CADM1: variants seen among roughly 807,000 people sequenced by gnomAD.
CADM1 encodes cell adhesion molecule 1.
Under a neutral mutation model 53.1 loss-of-function variants are expected in CADM1, and 15 were observed. That is an observed-to-expected ratio of 0.28 (90% confidence interval 0.19 to 0.44). The LOEUF is 0.44. Ranked by LOEUF, CADM1 falls within the 20% of genes least tolerant of loss-of-function variation. The probability of loss-of-function intolerance (pLI) is 1.00; values close to 1 mark genes in which losing one functional copy is unlikely to be tolerated. For synonymous variants in CADM1, 281 were observed against 243.0 expected, an observed-to-expected ratio of 1.16 and a Z score of -1.45; for missense variants, 434 against 611.3, an observed-to-expected ratio of 0.71 and a Z score of 3.06.
chr11:115,389,943 T>C (rs886252162), intron 1 of CADM1, among the ~76,000 whole-genome samples: 12 of 152,288 alleles, frequency 7.9e-5, no homozygotes, highest in East Asian at 5.8e-4. Context: ...CAAAATCGAA[T>C]CTGAGCTACT....
chr11:115,294,807 G>A (rs1944005434), intron 1 of CADM1, among the ~76,000 whole-genome samples: 1 of 152,168 alleles, frequency 6.6e-6, no homozygotes, highest in South Asian at 2.1e-4. Flanking sequence ...GGAGGAGGTG[G>A]GTGGATCATC....
chr11:115,262,074 T>C (rs1042677905), intron 1 of CADM1, among the ~76,000 whole-genome samples: 10 of 152,046 alleles, frequency 6.6e-5, no homozygotes, highest in African/African-American at 2.4e-4. Flanking sequence ...CCACCGAAGA[T>C]ATTTTTACGA....
At chr11:115,413,214 A>C (rs1040404638) in intron 1 of CADM1, among the ~76,000 whole-genome samples, 8 of 152,228 alleles carry the variant, frequency 5.3e-5, no homozygotes, top group Non-Finnish European at 7.3e-5. Flanking sequence ...TTGCTCAAAA[A>C]TATTATTAGT....
chr11:115,357,957 T>C (rs978135138), intron 1 of CADM1, among the ~76,000 whole-genome samples: 14 of 152,204 alleles, frequency 9.2e-5, no homozygotes, highest in African/African-American at 2.7e-4. Flanking sequence ...TTGATTATAA[T>C]GTGGTAATTG....
chr11:115,473,949 T>C (rs1337138773), intron 1 of CADM1, among the ~76,000 whole-genome samples: 1 of 152,252 alleles, frequency 6.6e-6, no homozygotes, highest in African/African-American at 2.4e-5. Context: ...GAAAGGCTTA[T>C]ACCCAGTACT....
chr11:115,211,322 A>T (rs1408561849), intron 7 of CADM1, among the ~76,000 whole-genome samples: 1 of 151,946 alleles, frequency 6.6e-6, no homozygotes, highest in Admixed American at 6.6e-5. Context: ...CGCTCCCTCC[A>T]CTACACAACT....
intron 8 of CADM1, 107 bp downstream of exon 8, chr11:115,209,467 A>G (rs1382490727): frequency 6.6e-7 from 1 of 1,521,670 alleles, no homozygotes; most frequent in Admixed American, 1.8e-5. Flanking sequence ...AAATAAAGGA[A>G]CGATTAAATT....
At chr11:115,346,150 C>G (rs1945571007) in intron 1 of CADM1, among the ~76,000 whole-genome samples, 1 of 152,128 alleles carries the variant, frequency 6.6e-6, no homozygotes, top group East Asian at 1.9e-4. Context: ...TGGGGTGCAG[C>G]CACCTCTCAA....
intron 1 of CADM1, among the ~76,000 whole-genome samples, chr11:115,323,033 C>G (rs1944864247): frequency 6.6e-6 from 1 of 152,088 alleles, no homozygotes; most frequent in Admixed American, 6.6e-5. Context: ...ATTGGCTGCA[C>G]CATTTTACAT....
At chr11:115,328,251 T>C (rs1945012091) in intron 1 of CADM1, among the ~76,000 whole-genome samples, 1 of 152,098 alleles carries the variant, frequency 6.6e-6, no homozygotes, top group African/African-American at 2.4e-5. Flanking sequence ...TCTCTTCTGA[T>C]TTCTGCCTTC....
chr11:115,249,255 T>G (rs1327780154), intron 1 of CADM1, among the ~76,000 whole-genome samples: 1 of 150,892 alleles, frequency 6.6e-6, no homozygotes, highest in East Asian at 1.9e-4. Context: ...GAACTTATAA[T>G]ATGATATTAT....
chr11:115,446,545 T>A (rs1948454870), intron 1 of CADM1, among the ~76,000 whole-genome samples: 1 of 152,146 alleles, frequency 6.6e-6, no homozygotes, highest in Admixed American at 6.5e-5. Context: ...CCTTTATAGA[T>A]TAAAGAATGG....
chr11:115,276,588 T>C (rs552465941), intron 1 of CADM1, among the ~76,000 whole-genome samples: 1 of 152,324 alleles, frequency 6.6e-6, no homozygotes, highest in South Asian at 2.1e-4. Flanking sequence ...TCATGGTGAT[T>C]TGGGGAGCAT....
chr11:115,391,413 T>C (rs562036359), intron 1 of CADM1, among the ~76,000 whole-genome samples: 56 of 152,200 alleles, frequency 3.7e-4, no homozygotes, highest in Non-Finnish European at 6.3e-4. Flanking sequence ...AAAATGTGAA[T>C]GGCCGTGGAG....
chr11:115,388,327 G>A (rs1946751443), intron 1 of CADM1, among the ~76,000 whole-genome samples: 1 of 152,100 alleles, frequency 6.6e-6, no homozygotes, highest in African/African-American at 2.4e-5. Flanking sequence ...ACTGGTAAAG[G>A]TTGATGAAGT....
At chr11:115,326,738 T>C (rs559815619) in intron 1 of CADM1, among the ~76,000 whole-genome samples, 2 of 152,292 alleles carry the variant, frequency 1.3e-5, no homozygotes, top group East Asian at 3.9e-4. Context: ...AGCATGCTTC[T>C]GCCTGCTAAC....
chr11:115,373,554 A>T (rs1273214791), intron 1 of CADM1, among the ~76,000 whole-genome samples: 1 of 137,682 alleles, frequency 7.3e-6, no homozygotes, highest in Non-Finnish European at 1.5e-5. Context: ...ACTGCAGTCC[A>T]GCCTGGGTGA....
intron 1 of CADM1, among the ~76,000 whole-genome samples, chr11:115,354,159 TGAA>T (rs968817742): frequency 7.9e-5 from 12 of 152,176 alleles, no homozygotes; most frequent in African/African-American, 2.7e-4. Flanking sequence ...AAAAAATTAC[TGAA>T]GAAGGTGAAC....
chr11:115,201,520 G>T (rs1003967461), intron 8 of CADM1, among the ~76,000 whole-genome samples: 2 of 152,158 alleles, frequency 1.3e-5, no homozygotes, highest in Non-Finnish European at 2.9e-5. Flanking sequence ...CAGAAAACTG[G>T]AGAAATGTGC....
Sources: gnomAD v4.1 joint callset for allele counts (sites outside exome capture counted in the v4.1 genomes callset) on GRCh38, gnomAD v4.1.1 for gene constraint, MANE v1.5 for transcripts, NCBI Gene and HGNC (gene_info 2026-07-23, HGNC 2026-07-21) for gene names.